Variants in LINS1 observed in about 807,000 individuals in gnomAD.
LINS1 encodes protein Lines homolog 1.
In LINS1, 27 loss-of-function variants were observed where a neutral mutation model predicts 41.6. The ratio of observed to expected loss-of-function variants is 0.65; its 90% CI spans 0.48 to 0.89. The LOEUF (loss-of-function observed/expected upper bound fraction) is 0.89. Ranked by LOEUF, LINS1 falls within the 40% of genes least tolerant of loss-of-function variation. The pLI, the probability that LINS1 is intolerant of heterozygous loss-of-function variation, is 0.00. For missense variants in LINS1, 955 were observed against 884.1 expected (o/e 1.08, Z -1.02); for synonymous variants, 336 against 312.9 (o/e 1.07, Z -0.78).
chr15:100,588,274 T>C (rs1469672166), intron 1 of LINS1, among the ~76,000 whole-genome samples: 1 of 152,256 alleles, frequency 6.6e-6, no homozygotes, highest in Non-Finnish European at 1.5e-5. Context: ...ACCTTGTAAC[T>C]ATGTGGCTGT....
chr15:100,601,382 C>G (rs1002769302), intron 1 of LINS1, among the ~76,000 whole-genome samples: 3 of 152,132 alleles, frequency 2.0e-5, no homozygotes, highest in African/African-American at 7.2e-5. Context: ...TAAAAAGCCA[C>G]CAGTTCTACC....
intron 1 of LINS1, among the ~76,000 whole-genome samples, chr15:100,591,703 C>T (rs546259999): frequency 1.6e-4 from 24 of 152,270 alleles, no homozygotes; most frequent in South Asian, 6.2e-4. Context: ...CATTTCCTCT[C>T]GCCTAGAAAC....
At chr15:100,572,215 A>G in intron 5 of LINS1, 150 bp from the exon 6 acceptor site, 1 of 1,475,244 alleles carries the variant, frequency 6.8e-7, no homozygotes, top group Non-Finnish European at 8.9e-7. Flanking sequence ...GTTAGGAAGC[A>G]TCTTTATTTG....
At chr15:100,572,288 T>G in intron 5 of LINS1, 1 of 1,340,526 alleles carries the variant, frequency 7.5e-7, no homozygotes, top group Non-Finnish European at 9.6e-7. Context: ...ACATTTAAAA[T>G]GTACAGCTAC....
chr15:100,580,586 C>G lies in LINS1; in HGVS notation c.257G>C (p.Arg86Thr). ...TGTTAACTGAAGGAGCATTACTTCT[C>G]TGGAACCGCTCATCTGAGAGTTGGT... ...LKTNSQMSGSREVMLLQLTVI... is the reference protein window; with the variant it reads ...LKTNSQMSGSTEVMLLQLTVI... The change falls in exon 2 of 7, where the codon AGA becomes ACA. Residue 86 changes from arginine to threonine, a missense_variant. Coordinates refer to ENST00000314742, the MANE Select transcript of LINS1 (RefSeq NM_001040616.3). The G allele has an allele frequency of 6.2e-7, 1 of 1,614,074 alleles. No individual in the cohort carries two copies. Among genetic ancestry groups the G allele is most frequent in the Non-Finnish European group, 8.5e-7 (1 of 1,179,970 alleles).
chr15:100,586,555 C>T (rs1011943780), intron 1 of LINS1, among the ~76,000 whole-genome samples: 9 of 152,144 alleles, frequency 5.9e-5, no homozygotes, highest in African/African-American at 1.9e-4. Flanking sequence ...GGGTTTCACA[C>T]AAGTTTTAGG....
At chr15:100,573,392 G>C (rs975791106) in intron 5 of LINS1, 1 of 1,256,038 alleles carries the variant, frequency 8.0e-7, no homozygotes, top group African/African-American at 1.6e-5. Context: ...CTTACTTTGA[G>C]ATGACTCAAC....
intron 1 of LINS1, among the ~76,000 whole-genome samples, chr15:100,581,408 G>C (rs868863409): frequency 6.6e-6 from 1 of 152,136 alleles, no homozygotes; most frequent in Non-Finnish European, 1.5e-5. Context: ...TCCCCTGGGG[G>C]ACAAAATCAC....
At chr15:100,577,154 A>C (rs2038233715) in intron 3 of LINS1, among the ~76,000 whole-genome samples, 1 of 152,226 alleles carries the variant, frequency 6.6e-6, no homozygotes, top group Non-Finnish European at 1.5e-5. Flanking sequence ...CCTATTCAAC[A>C]GAGTGTTGGA....
chr15:100,574,358 A>C, intron 4 of LINS1, 117 bp from the exon 5 acceptor site: 3 of 720,822 alleles, frequency 4.2e-6, no homozygotes, highest in Non-Finnish European at 7.1e-6. Flanking sequence ...TGGAATGTTT[A>C]CCTCTAACAT....
chr15:100,573,488 T>C, intron 5 of LINS1, 163 bp downstream of exon 5: 1 of 817,040 alleles, frequency 1.2e-6, no homozygotes, highest in Non-Finnish European at 1.8e-6. Flanking sequence ...TAAAGGTAAA[T>C]CCAGTTCTTT....
At chr15:100,584,318 A>G (rs561677886) in intron 1 of LINS1, among the ~76,000 whole-genome samples, 2 of 152,350 alleles carry the variant, frequency 1.3e-5, no homozygotes, top group East Asian at 3.9e-4. Context: ...AAGTCCTTAA[A>G]TTTTACCAAA....
At chr15:100,584,450 A>C (rs1443996519) in intron 1 of LINS1, among the ~76,000 whole-genome samples, 1 of 152,144 alleles carries the variant, frequency 6.6e-6, no homozygotes, top group East Asian at 1.9e-4. Flanking sequence ...CAGGGAGTAG[A>C]TGGGCTGTTT....
Position 100,572,320 on chromosome 15 carries a change from C to T in LINS1, c.1223-255G>A, listed in dbSNP as rs2037876978. On this transcript the variant is annotated intron_variant, in intron 5 of 6. Coordinates refer to ENST00000314742, the MANE Select transcript of LINS1 (RefSeq NM_001040616.3). ...CTACATCATCTATTTGCAACAACTGCCTAACAACTGTCTCTTAGAAATAAA... is the reference window on the plus strand; with the variant it reads ...CTACATCATCTATTTGCAACAACTGTCTAACAACTGTCTCTTAGAAATAAA... 7 of 1,266,750 alleles carry T rather than the reference C, an allele frequency of 5.5e-6. No homozygotes were observed. In the South Asian group the frequency reaches 1.2e-4, roughly 21 times the overall value. 78.5% of individuals were successfully genotyped at this position (1,266,750 alleles called of 1,614,324 possible).
chr15:100,589,632 T>C (rs1424333789), intron 1 of LINS1, among the ~76,000 whole-genome samples: 3 of 152,160 alleles, frequency 2.0e-5, no homozygotes, highest in Non-Finnish European at 4.4e-5. Context: ...GATAAAATGA[T>C]CCAAATTGAA....
At chr15:100,583,639 G>C (rs1010877341) in intron 1 of LINS1, among the ~76,000 whole-genome samples, 4 of 152,128 alleles carry the variant, frequency 2.6e-5, no homozygotes, top group African/African-American at 9.7e-5. Context: ...AACCAGAAAG[G>C]ACCAACCTAC....
At chr15:100,579,497 G>C (rs1349875656) in intron 3 of LINS1, among the ~76,000 whole-genome samples, 4 of 150,236 alleles carry the variant, frequency 2.7e-5, no homozygotes, top group African/African-American at 9.8e-5. Flanking sequence ...AAAAATGAAA[G>C]ATGAAAATGT....
chr15:100,590,732 C>T (rs1460414065), intron 1 of LINS1, among the ~76,000 whole-genome samples: 3 of 152,128 alleles, frequency 2.0e-5, no homozygotes, highest in Non-Finnish European at 4.4e-5. Flanking sequence ...AGAGATTCAT[C>T]GTAGGGGATT....
chr15:100,589,683 T>C (rs530767093), intron 1 of LINS1, among the ~76,000 whole-genome samples: 3 of 152,310 alleles, frequency 2.0e-5, no homozygotes, highest in East Asian at 1.9e-4. Flanking sequence ...AAATACTTTA[T>C]AGCCAATGTT....
Sources: allele counts gnomAD v4.1 joint callset (sites outside exome capture counted in the v4.1 genomes callset), GRCh38; gene constraint gnomAD v4.1.1; transcripts MANE v1.5; gene names NCBI Gene and HGNC (gene_info 2026-07-23, HGNC 2026-07-21).